Variants in GAL3ST1 observed in about 807,000 individuals in gnomAD.
GAL3ST1 encodes the protein galactosylceramide sulfotransferase.
A neutral mutation model predicts 25.0 loss-of-function variants in GAL3ST1; 13 were observed. The ratio of observed to expected loss-of-function variants is 0.52; its 90% confidence interval spans 0.34 to 0.83. GAL3ST1 has a LOEUF of 0.83. GAL3ST1 is among the 40% of genes least tolerant of loss of function. The pLI is 0.02. For synonymous variants in GAL3ST1, 274 were observed against 277.8 expected (o/e 0.99, Z 0.14); for missense variants, 474 against 613.6 (o/e 0.77, Z 2.40).
At chr22:30,562,803 G>A (rs527578176) in intron 1 of GAL3ST1, among the ~76,000 whole-genome samples, 2 of 152,210 alleles carry the variant, frequency 1.3e-5, no homozygotes, top group African/African-American at 2.4e-5. Context: ...ACCTACAGAC[G>A]AAAGTAATAC....
intron 1 of GAL3ST1, among the ~76,000 whole-genome samples, chr22:30,565,563 G>C (rs978349634): frequency 1.3e-5 from 2 of 152,208 alleles, no homozygotes; most frequent in African/African-American, 4.8e-5. Flanking sequence ...CAGAAGATGA[G>C]TCTGGCAAGA....
intron 1 of GAL3ST1, among the ~76,000 whole-genome samples, chr22:30,564,133 C>T (rs1471292562): frequency 6.6e-6 from 1 of 152,244 alleles, no homozygotes; most frequent in Non-Finnish European, 1.5e-5. Flanking sequence ...CCCTCCATCA[C>T]AGGGTGCTGT....
At chr22:30,559,698 G>A (rs565656166) in intron 1 of GAL3ST1, among the ~76,000 whole-genome samples, 4 of 152,248 alleles carry the variant, frequency 2.6e-5, no homozygotes, top group African/African-American at 9.6e-5. Flanking sequence ...TATTTGTTTT[G>A]GGGGATGATC....
intron 1 of GAL3ST1, among the ~76,000 whole-genome samples, chr22:30,569,610 G>C (rs911474290): frequency 6.6e-6 from 1 of 151,958 alleles, no homozygotes; most frequent in Non-Finnish European, 1.5e-5. Flanking sequence ...AGGGAAAGAG[G>C]TAGGCGGGGA....
At chr22:30,558,896 G>A (rs187075174) in intron 1 of GAL3ST1, among the ~76,000 whole-genome samples, 7 of 152,280 alleles carry the variant, frequency 4.6e-5, no homozygotes, top group African/African-American at 1.7e-4. Flanking sequence ...GGTGGCTCAC[G>A]CCTGTAATCC....
In GAL3ST1 at chr22:30,556,091, G is replaced by T. The variant is rs1162984420; in HGVS notation, c.134C>A (p.Thr45Asn). ...PPLHAGLASTTPEAAASCSPP... is the reference protein window; with the variant it reads ...PPLHAGLASTNPEAAASCSPP... ...AGAGCAGGACGCTGCGGCCTCCGGG[G>T]TCCTGCTGGGGACAGAGAGGTGGGG... The change falls in exon 4 of 4, where the codon ACC becomes AAC. Residue 45 changes from threonine (T) to asparagine (N), a missense_variant and splice_region_variant. Coordinates refer to ENST00000406361, the MANE Select transcript of GAL3ST1 (RefSeq NM_001318104.2). 1.2e-6 allele frequency: 2 copies of T among 1,600,926 alleles called. No homozygotes were observed. Among genetic ancestry groups the T allele is most frequent in the African/African-American group, 2.7e-5 (2 of 74,998 alleles).
chr22:30,555,043 G>A lies in GAL3ST1; in HGVS notation c.1182C>T (p.Leu394=), dbSNP rs980716919. The change falls in exon 4 of 4, where the codon CTC becomes CTT. Residue 394 remains leucine, a synonymous_variant. Coordinates refer to ENST00000406361, the MANE Select transcript of GAL3ST1 (RefSeq NM_001318104.2). The surrounding 1 kb of genome is among the most constrained non-coding windows in gnomAD (Gnocchi z 8.6). The part of the protein sequence containing the change: ...QRHAQLCRRM[L]TPEIQYLMDL... ...CCATCAGGTACTGGATCTCGGGCGT[G>A]AGCATGCGCCGGCAGAGCTGCGCGT... is the stretch of plus-strand genomic sequence containing the variant. The A allele has an allele frequency of 1.1e-5, 17 of 1,611,644 alleles. No individual in the cohort carries two copies. The highest frequency in any genetic ancestry group is 1.3e-5 in the Non-Finnish European group (15 of 1,178,818).
chr22:30,566,602 G>A (rs1420278901), intron 1 of GAL3ST1, among the ~76,000 whole-genome samples: 1 of 151,916 alleles, frequency 6.6e-6, no homozygotes, highest in Non-Finnish European at 1.5e-5. Context: ...CCAGAGTATT[G>A]ATGATAACAT....
chr22:30,561,285 C>T (rs929064102), intron 1 of GAL3ST1, among the ~76,000 whole-genome samples: 1 of 152,218 alleles, frequency 6.6e-6, no homozygotes, highest in Admixed American at 6.5e-5. Flanking sequence ...CCCTGCCACA[C>T]GTGCTGGGTG....
chr22:30,569,583 G>A (rs1317815335), intron 1 of GAL3ST1, among the ~76,000 whole-genome samples: 1 of 151,120 alleles, frequency 6.6e-6, no homozygotes, highest in African/African-American at 2.5e-5. Flanking sequence ...TAGGAGCAAA[G>A]AGGGGGGTCT....
At chr22:30,562,697 G>T (rs779837496) in intron 1 of GAL3ST1, among the ~76,000 whole-genome samples, 1 of 152,234 alleles carries the variant, frequency 6.6e-6, no homozygotes, top group South Asian at 2.1e-4. Flanking sequence ...GGCAGAAGGT[G>T]TCCAGGGCTA....
At chr22:30,570,786 C>CAA (rs11330493) in intron 1 of GAL3ST1, among the ~76,000 whole-genome samples, 1 of 144,160 alleles carries the variant, frequency 6.9e-6, no homozygotes, top group Admixed American at 6.9e-5. Context: ...AACTCCGTCT[C>CAA]AAAAAAAAAA....
intron 1 of GAL3ST1, among the ~76,000 whole-genome samples, chr22:30,559,313 T>C (rs554181664): frequency 5.4e-4 from 82 of 152,248 alleles, no homozygotes; most frequent in Non-Finnish European, 9.4e-4. Context: ...CAATCTCGGC[T>C]CCCTGCAACC....
intron 1 of GAL3ST1, chr22:30,560,157 A>G (rs1335234147): frequency 6.6e-6 from 1 of 152,186 alleles, no homozygotes; most frequent in African/African-American, 2.4e-5. Context: ...AAAAGGCAAT[A>G]ATTGTCAACA....
In GAL3ST1 at chr22:30,555,827, G is replaced by A. The variant is rs2085982375; in HGVS notation, c.398C>T (p.Ala133Val). ...RSLVQDYRPG[A>V]CFNIICNHMR... ...GTGGTTGCAGATGATGTTGAAGCAG[G>A]CCCCGGGCCGATAGTCCTGCACCAG... Residue 133 changes from alanine (A) to valine (V), a missense_variant, in exon 4 of 4, where the codon GCC (alanine) becomes GTC (valine). By Grantham distance (64) the Ala-to-Val change is moderately conservative. This residue lies in a region of GAL3ST1 where 359 missense variants were observed against 504.4 expected (regional missense o/e 0.71). Coordinates refer to ENST00000406361, the MANE Select transcript of GAL3ST1 (RefSeq NM_001318104.2). The surrounding 1 kb of genome is among the most constrained non-coding windows in gnomAD (Gnocchi z 8.6). 2 of 1,614,040 alleles carry A rather than the reference G, an allele frequency of 1.2e-6. No homozygotes were observed. The highest frequency in any genetic ancestry group is 1.7e-5 in the Admixed American group (1 of 60,004).
At chr22:30,556,553 G>A (rs2086040041) in intron 3 of GAL3ST1, among the ~76,000 whole-genome samples, 1 of 152,192 alleles carries the variant, frequency 6.6e-6, no homozygotes, top group Non-Finnish European at 1.5e-5. Context: ...GGAAACGGGA[G>A]AGCCTGGTTC....
chr22:30,557,035 G>A (rs932864824), intron 3 of GAL3ST1, among the ~76,000 whole-genome samples: 1 of 152,180 alleles, frequency 6.6e-6, no homozygotes, highest in East Asian at 1.9e-4. Flanking sequence ...GTGCCCAGCC[G>A]AAAGGCTCTG....
At chr22:30,559,359 G>C (rs1282963973) in intron 1 of GAL3ST1, among the ~76,000 whole-genome samples, 1 of 151,898 alleles carries the variant, frequency 6.6e-6, no homozygotes, top group Middle Eastern at 3.2e-3. Flanking sequence ...TCCTGCCTCA[G>C]CCTCCCAAGT....
intron 1 of GAL3ST1, among the ~76,000 whole-genome samples, chr22:30,565,392 C>G (rs2086591383): frequency 6.6e-6 from 1 of 152,210 alleles, no homozygotes. Context: ...AGAGGGCAGA[C>G]AGAGCTGGAG....
Sources: gnomAD v4.1 joint callset for allele counts (sites outside exome capture counted in the v4.1 genomes callset) on GRCh38, gnomAD v4.1.1 for gene constraint, gnomAD v4.1.1 regional missense constraint, Gnocchi (gnomAD v3.1) non-coding constraint, MANE v1.5 for transcripts, NCBI Gene and HGNC (gene_info 2026-07-23, HGNC 2026-07-21) for gene names.